RALYL: variants seen among roughly 807,000 people sequenced by gnomAD.
RALYL encodes the protein RNA-binding Raly-like protein.
Under a neutral mutation model 35.1 loss-of-function variants are expected in RALYL, and 29 were observed. The observed-to-expected ratio is 0.83, with a 90% CI of 0.61 to 1.13. The LOEUF is 1.13. RALYL is among the 50% of genes most tolerant of loss of function. The pLI is 0.00. For synonymous variants in RALYL, 120 were observed against 127.6 expected (o/e 0.94, Z 0.40); for missense variants, 359 against 360.4 (o/e 1.00, Z 0.03).
intron 8 of RALYL, among the ~76,000 whole-genome samples, chr8:84,901,809 A>G (rs574752870): frequency 6.6e-6 from 1 of 152,288 alleles, no homozygotes; most frequent in Non-Finnish European, 1.5e-5. Flanking sequence ...ATTAATAAGC[A>G]TTTTGTTCTC....
intron 1 of RALYL, among the ~76,000 whole-genome samples, chr8:84,461,783 C>T (rs1289000310): frequency 6.6e-6 from 1 of 151,682 alleles, no homozygotes; most frequent in Non-Finnish European, 1.5e-5. Flanking sequence ...AATGTGGAAA[C>T]ATCTAAGCAG....
At chr8:84,679,327 G>A in intron 2 of RALYL, 1 of 260,898 alleles carries the variant, frequency 3.8e-6, no homozygotes, top group Non-Finnish European at 7.7e-6. Flanking sequence ...GTTGTTGGCT[G>A]TAGGGAACAG....
intron 1 of RALYL, among the ~76,000 whole-genome samples, chr8:84,338,123 G>A (rs1848153631): frequency 6.6e-6 from 1 of 151,518 alleles, no homozygotes; most frequent in Non-Finnish European, 1.5e-5. Flanking sequence ...TTAAATACTA[G>A]GTATTTTTAG....
intron 1 of RALYL, among the ~76,000 whole-genome samples, chr8:84,527,118 A>C (rs1156720005): frequency 2.6e-5 from 4 of 152,222 alleles, no homozygotes; most frequent in Non-Finnish European, 5.9e-5. Flanking sequence ...TACTCTTATA[A>C]ACACTGATAG....
intron 3 of RALYL, among the ~76,000 whole-genome samples, chr8:84,786,840 C>T (rs1178863766): frequency 1.3e-5 from 2 of 151,994 alleles, no homozygotes; most frequent in Non-Finnish European, 2.9e-5. Context: ...TTTATGAGAA[C>T]CCATTTGTCA....
At chr8:84,752,965 C>T (rs1387382815) in intron 2 of RALYL, among the ~76,000 whole-genome samples, 1 of 152,094 alleles carries the variant, frequency 6.6e-6, no homozygotes, top group Non-Finnish European at 1.5e-5. Context: ...GAGATGAAGG[C>T]CACTGCCCTC....
chr8:84,606,042 C>G (rs1015005001), intron 2 of RALYL, among the ~76,000 whole-genome samples: 2 of 152,252 alleles, frequency 1.3e-5, no homozygotes, highest in South Asian at 4.1e-4. Flanking sequence ...AACTCCTCCT[C>G]AGTGCATGTT....
chr8:84,843,367 A>G (rs1833871887), intron 4 of RALYL, among the ~76,000 whole-genome samples: 1 of 152,186 alleles, frequency 6.6e-6, no homozygotes, highest in Non-Finnish European at 1.5e-5. Context: ...CCGATTCACA[A>G]TTGCTTCAAG....
At chr8:84,913,181 A>G (rs965509831) in intron 8 of RALYL, among the ~76,000 whole-genome samples, 3 of 152,042 alleles carry the variant, frequency 2.0e-5, no homozygotes, top group Non-Finnish European at 2.9e-5. Flanking sequence ...AGGCAAACAC[A>G]GTGCCCTTCC....
At chr8:84,557,009 A>G (rs1016402334) in intron 2 of RALYL, among the ~76,000 whole-genome samples, 1 of 152,234 alleles carries the variant, frequency 6.6e-6, no homozygotes, top group African/African-American at 2.4e-5. Flanking sequence ...TCAAGCATTT[A>G]GGAGATACAG....
In RALYL at chr8:84,921,268, C is replaced by CAT. The variant is rs1849284657; in HGVS notation, c.*363_*364dup. 1 of 167,618 alleles carries CAT rather than the reference C, an allele frequency of 6.0e-6. No homozygotes were observed. The highest frequency in any genetic ancestry group is 2.4e-5 in the African/African-American group (1 of 42,076). The allele number at this position is 167,618 out of a possible 1,614,324, so 10.4% of individuals were successfully genotyped here. ...ATGATTAGCATGTTTCACTGTTGATCATATATAAAGTCAGGTGATATTGCA... is the reference window on the plus strand; with the variant it reads ...ATGATTAGCATGTTTCACTGTTGATCATATATATAAAGTCAGGTGATATTGCA... On this transcript the variant is annotated 3_prime_UTR_variant, in exon 9 of 9. Transcript: ENST00000521268.
intron 1 of RALYL, among the ~76,000 whole-genome samples, chr8:84,212,478 A>G (rs1819735457): frequency 6.6e-6 from 1 of 152,200 alleles, no homozygotes; most frequent in Non-Finnish European, 1.5e-5. Flanking sequence ...AATAAGTAAC[A>G]TGAAATCACC....
At chr8:84,732,668 T>TTATATATATATATATGTATA (rs1846411973) in intron 2 of RALYL, among the ~76,000 whole-genome samples, 1 of 132,494 alleles carries the variant, frequency 7.5e-6, no homozygotes, top group African/African-American at 3.2e-5. Flanking sequence ...TATTAAATAA[T>TTATATATATATATATGTATA]TATATATATA....
chr8:84,341,893 G>A (rs1848855903), intron 1 of RALYL, among the ~76,000 whole-genome samples: 1 of 151,988 alleles, frequency 6.6e-6, no homozygotes, highest in Admixed American at 6.6e-5. Context: ...TATGTAGAAT[G>A]TAATAGACAA....
chr8:84,838,233 G>A (rs1271323924), intron 4 of RALYL, among the ~76,000 whole-genome samples: 1 of 152,082 alleles, frequency 6.6e-6, no homozygotes, highest in African/African-American at 2.4e-5. Context: ...ATCTTTTGGT[G>A]GGTGATTTCA....
chr8:84,821,348 T>C (rs1394888039), intron 4 of RALYL, among the ~76,000 whole-genome samples: 1 of 152,194 alleles, frequency 6.6e-6, no homozygotes. Context: ...ACACAGAATA[T>C]TGGTAGCCAT....
At chr8:84,316,570 TCTA>T (rs112170211) in intron 1 of RALYL, among the ~76,000 whole-genome samples, 7,215 of 152,234 alleles carry the variant, frequency 0.047, 267 homozygotes, top group African/African-American at 0.083. Context: ...TTATATGCTT[TCTA>T]CTGTTTGCTT....
chr8:84,185,195 G>A, intron 1 of RALYL: 1 of 670,112 alleles, frequency 1.5e-6, no homozygotes, highest in Non-Finnish European at 2.7e-6. Flanking sequence ...TGTTGAGGAC[G>A]ACGCTGTTAG....
intron 5 of RALYL, among the ~76,000 whole-genome samples, chr8:84,853,819 C>G (rs1836373612): frequency 6.6e-6 from 1 of 151,692 alleles, no homozygotes; most frequent in African/African-American, 2.4e-5. Context: ...AAGTTACGGT[C>G]TTCTTGCATT....
Sources: allele counts gnomAD v4.1 joint callset (sites outside exome capture counted in the v4.1 genomes callset), GRCh38; gene constraint gnomAD v4.1.1; transcripts MANE v1.5; gene names NCBI Gene and HGNC (gene_info 2026-07-23, HGNC 2026-07-21).